Variants in KCNIP4 observed in about 807,000 individuals in gnomAD.
KCNIP4 encodes the protein Kv channel-interacting protein 4.
A neutral mutation model predicts 34.0 loss-of-function variants in KCNIP4; 12 were observed. The ratio of observed to expected loss-of-function variants is 0.35; its 90% CI spans 0.23 to 0.57. KCNIP4 has a LOEUF of 0.57. KCNIP4 is among the 20% of genes least tolerant of loss of function. KCNIP4 has a pLI of 0.83. For synonymous variants in KCNIP4, 124 were observed against 102.2 expected, an observed-to-expected ratio of 1.21 and a Z score of -1.29; for missense variants, 238 against 311.7, an observed-to-expected ratio of 0.76 and a Z score of 1.78.
rs1303237602 is a variant in KCNIP4 at position 21,582,021 on chromosome 4, TA to T, written c.61+366549del. 85 of 126,346 alleles carry T rather than the reference TA, an allele frequency of 6.7e-4. No homozygotes were observed. The South Asian group carries it at 0.019, about 29-fold the overall frequency. 7.8% of individuals were successfully genotyped at this position (126,346 alleles called of 1,614,324 possible). A position where few individuals can be genotyped will look rare whatever the true frequency, so the allele number is the denominator to read the frequency against. On this transcript the variant is annotated intron_variant, in intron 1 of 8. Coordinates refer to ENST00000382152, the MANE Select transcript of KCNIP4 (RefSeq NM_025221.6). ...TAGGGCATAGAAGAATAGAATAGAA[TA>T]GAATAGAATGGAATGGAATGGAATG...
At chr4:20,927,821 C>G (rs1237798403) in intron 1 of KCNIP4, among the ~76,000 whole-genome samples, 2 of 152,054 alleles carry the variant, frequency 1.3e-5, no homozygotes, top group East Asian at 3.9e-4. Context: ...ATCATAAATG[C>G]TACATTTATC....
intron 1 of KCNIP4, among the ~76,000 whole-genome samples, chr4:21,530,985 G>C (rs1870626): frequency 0.31 from 47,204 of 152,080 alleles, 7,433 homozygotes; most frequent in African/African-American, 0.36. Flanking sequence ...CTCCAAGATA[G>C]GTGCATGTAT....
At chr4:21,225,497 A>ATTT (rs1322383584) in intron 1 of KCNIP4, among the ~76,000 whole-genome samples, 1 of 152,136 alleles carries the variant, frequency 6.6e-6, no homozygotes, top group African/African-American at 2.4e-5. Flanking sequence ...GATTATAACT[A>ATTT]TTGTAATTAT....
intron 1 of KCNIP4, among the ~76,000 whole-genome samples, chr4:21,364,632 GAATA>G (rs1719551671): frequency 6.6e-6 from 1 of 151,716 alleles, no homozygotes; most frequent in Non-Finnish European, 1.5e-5. Context: ...ATTGATGAAT[GAATA>G]AATAAATGAC....
intron 3 of KCNIP4, among the ~76,000 whole-genome samples, chr4:20,793,458 G>A (rs1310040764): frequency 6.6e-6 from 1 of 152,080 alleles, no homozygotes; most frequent in Non-Finnish European, 1.5e-5. Flanking sequence ...AGTGATGGAT[G>A]TTTTATTATT....
At chr4:21,810,228 C>T (rs1721546198) in intron 1 of KCNIP4, among the ~76,000 whole-genome samples, 2 of 152,156 alleles carry the variant, frequency 1.3e-5, no homozygotes, top group Middle Eastern at 3.2e-3. Flanking sequence ...TCTCATTATC[C>T]TATCAAGTAC....
chr4:21,855,096 C>T (rs575363354), intron 1 of KCNIP4, among the ~76,000 whole-genome samples: 32 of 152,292 alleles, frequency 2.1e-4, no homozygotes, highest in East Asian at 5.8e-4. Flanking sequence ...ATTTAAACAT[C>T]GTCTTTAAGC....
intron 1 of KCNIP4, among the ~76,000 whole-genome samples, chr4:21,129,752 G>C (rs962141422): frequency 1.1e-4 from 17 of 152,184 alleles, no homozygotes; most frequent in African/African-American, 3.9e-4. Flanking sequence ...CAGAAAACTT[G>C]GGTCATTTTA....
intron 1 of KCNIP4, among the ~76,000 whole-genome samples, chr4:20,905,844 AG>A (rs935476957): frequency 6.6e-6 from 1 of 151,988 alleles, no homozygotes; most frequent in African/African-American, 2.4e-5. Context: ...TTTCTAATCA[AG>A]GTATAGGGAA....
chr4:21,179,948 C>T (rs763453437), intron 1 of KCNIP4, among the ~76,000 whole-genome samples: 3 of 152,124 alleles, frequency 2.0e-5, no homozygotes, highest in African/African-American at 4.8e-5. Context: ...GTTCATTGAG[C>T]CCCCATCATG....
chr4:21,027,859 T>C (rs1740685620), intron 1 of KCNIP4, among the ~76,000 whole-genome samples: 1 of 152,196 alleles, frequency 6.6e-6, no homozygotes, highest in Non-Finnish European at 1.5e-5. Context: ...TCTAACCTCA[T>C]GGCTCTAAAT....
intron 1 of KCNIP4, among the ~76,000 whole-genome samples, chr4:21,250,579 T>C (rs751853075): frequency 2.6e-5 from 4 of 152,152 alleles, no homozygotes; most frequent in African/African-American, 4.8e-5. Flanking sequence ...GACAGTTACA[T>C]AAAAACATAT....
intron 1 of KCNIP4, among the ~76,000 whole-genome samples, chr4:21,288,101 C>G (rs1030052810): frequency 2.6e-5 from 4 of 152,046 alleles, no homozygotes; most frequent in Non-Finnish European, 4.4e-5. Context: ...TTTTTTCTAC[C>G]AGTGGCAAGA....
At chr4:21,889,238 T>A (rs1726951865) in intron 1 of KCNIP4, among the ~76,000 whole-genome samples, 1 of 152,158 alleles carries the variant, frequency 6.6e-6, no homozygotes, top group South Asian at 2.1e-4. Flanking sequence ...ATACAAAAAT[T>A]ATTTAAAATA....
chr4:21,906,376 G>A (rs969254482), intron 1 of KCNIP4, among the ~76,000 whole-genome samples: 5 of 152,132 alleles, frequency 3.3e-5, no homozygotes, highest in Non-Finnish European at 7.3e-5. Flanking sequence ...AGGAGGAAAA[G>A]CGAACGTGAA....
intron 1 of KCNIP4, among the ~76,000 whole-genome samples, chr4:21,133,230 A>G (rs1294460714): frequency 6.6e-6 from 1 of 152,170 alleles, no homozygotes; most frequent in Non-Finnish European, 1.5e-5. Context: ...AAAGTTGCCT[A>G]CTTCCTCACA....
chr4:21,633,440 T>C (rs886666106), intron 1 of KCNIP4, among the ~76,000 whole-genome samples: 3 of 150,614 alleles, frequency 2.0e-5, no homozygotes, highest in Admixed American at 6.6e-5. Flanking sequence ...TGCTCCTTGG[T>C]ACTCCTTTCC....
chr4:20,927,091 T>G (rs1729979895), intron 1 of KCNIP4, among the ~76,000 whole-genome samples: 1 of 152,090 alleles, frequency 6.6e-6, no homozygotes, highest in East Asian at 1.9e-4. Context: ...TGATTCTTCC[T>G]ACTTAGCCTC....
chr4:20,789,663 T>C (rs527331670), intron 3 of KCNIP4, among the ~76,000 whole-genome samples: 1 of 152,018 alleles, frequency 6.6e-6, no homozygotes, highest in Non-Finnish European at 1.5e-5. Flanking sequence ...TTTGCTGCTC[T>C]CAGGACATCA....
Sources: allele counts gnomAD v4.1 joint callset (sites outside exome capture counted in the v4.1 genomes callset), GRCh38; gene constraint gnomAD v4.1.1; transcripts MANE v1.5; gene names NCBI Gene and HGNC (gene_info 2026-07-23, HGNC 2026-07-21).